Variants in LRMDA observed in about 807,000 individuals in gnomAD.
LRMDA encodes the protein leucine rich melanocyte differentiation associated, also known as leucine-rich melanocyte differentiation-associated protein.
A neutral mutation model predicts 29.8 loss-of-function variants in LRMDA; 18 were observed. The ratio of observed to expected loss-of-function variants is 0.60; its 90% CI spans 0.42 to 0.90. LRMDA has a LOEUF of 0.90. Among genes scored for constraint, LRMDA ranks in the 40% least tolerant of loss-of-function variants. LRMDA has a pLI of 0.00. For synonymous variants in LRMDA, 125 were observed against 109.4 expected (o/e 1.14, Z -0.89); for missense variants, 273 against 273.9 (o/e 1.00, Z 0.02).
intron 2 of LRMDA, among the ~76,000 whole-genome samples, chr10:75,686,390 A>G (rs1842082094): frequency 6.6e-6 from 1 of 152,120 alleles, no homozygotes; most frequent in Admixed American, 6.5e-5. Flanking sequence ...CTTCCCCCAA[A>G]CTAAGAAAGA....
At chr10:75,987,412 C>G (rs1159819764) in intron 2 of LRMDA, among the ~76,000 whole-genome samples, 1 of 152,230 alleles carries the variant, frequency 6.6e-6, no homozygotes, top group Non-Finnish European at 1.5e-5. Context: ...CCAGCAGAAG[C>G]TGCCCCCACC....
intron 2 of LRMDA, among the ~76,000 whole-genome samples, chr10:75,751,125 C>T (rs1420261185): frequency 6.6e-6 from 1 of 152,244 alleles, no homozygotes; most frequent in African/African-American, 2.4e-5. Context: ...ACCAGTCCGG[C>T]CAACACGGTG....
intron 5 of LRMDA, among the ~76,000 whole-genome samples, chr10:76,228,305 C>A (rs1357806993): frequency 6.6e-6 from 1 of 152,248 alleles, no homozygotes; most frequent in East Asian, 1.9e-4. Flanking sequence ...AGCTACCACG[C>A]CCGGCAGGAA....
intron 6 of LRMDA, among the ~76,000 whole-genome samples, chr10:76,338,055 G>A: frequency 6.9e-6 from 1 of 145,120 alleles, no homozygotes; most frequent in East Asian, 2.1e-4. Context: ...TAGAAATGCT[G>A]TTACCCTTCT....
intron 6 of LRMDA, among the ~76,000 whole-genome samples, chr10:76,505,502 T>G (rs547914376): frequency 6.6e-6 from 1 of 152,224 alleles, no homozygotes; most frequent in African/African-American, 2.4e-5. Flanking sequence ...TTTACTCAAA[T>G]AACTGGTCTT....
chr10:75,695,054 A>C (rs1842217322), intron 2 of LRMDA, among the ~76,000 whole-genome samples: 1 of 152,016 alleles, frequency 6.6e-6, no homozygotes, highest in South Asian at 2.1e-4. Flanking sequence ...CATCTGGGAC[A>C]TGAGGAGTGG....
chr10:75,685,238 G>GAA (rs543076170), intron 2 of LRMDA, among the ~76,000 whole-genome samples: 2 of 148,508 alleles, frequency 1.3e-5, no homozygotes, highest in Admixed American at 6.7e-5. Flanking sequence ...CCAGAGGCTT[G>GAA]AAAAAAAAAA....
intron 2 of LRMDA, among the ~76,000 whole-genome samples, chr10:75,582,560 C>T (rs1026024607): frequency 3.3e-5 from 5 of 152,188 alleles, no homozygotes; most frequent in Non-Finnish European, 7.4e-5. Context: ...CGAAACTATT[C>T]TGACCTCCTA....
intron 2 of LRMDA, among the ~76,000 whole-genome samples, chr10:75,468,287 C>T (rs74896132): frequency 0.078 from 11,912 of 151,768 alleles, 612 homozygotes; most frequent in Non-Finnish European, 0.11. Flanking sequence ...TTTTGGGGTG[C>T]GGGGCGGGGT....
At chr10:76,056,028 A>G (rs1848609349) in intron 4 of LRMDA, among the ~76,000 whole-genome samples, 1 of 152,242 alleles carries the variant, frequency 6.6e-6, no homozygotes, top group South Asian at 2.1e-4. Flanking sequence ...TCCCAGATCC[A>G]GGAAGAATGA....
chr10:75,497,618 T>C (rs3012042), intron 2 of LRMDA, among the ~76,000 whole-genome samples: 121,748 of 151,274 alleles, frequency 0.8, 49,636 homozygotes, highest in Non-Finnish European at 0.87. Flanking sequence ...TCCTGCTCCC[T>C]CCCCTCCATA....
At chr10:75,782,667 C>T (rs1843403611) in intron 2 of LRMDA, 3 of 1,065,548 alleles carry the variant, frequency 2.8e-6, no homozygotes, top group South Asian at 3.0e-5. Flanking sequence ...CTAGTCCTCG[C>T]TGCCGGTGCA....
chr10:76,427,985 G>T (rs12256580), intron 6 of LRMDA, among the ~76,000 whole-genome samples: 64,900 of 151,976 alleles, frequency 0.43, 14,761 homozygotes, highest in Middle Eastern at 0.59. Flanking sequence ...GCTTTTTGAT[G>T]TGCTCCTGGA....
intron 2 of LRMDA, among the ~76,000 whole-genome samples, chr10:75,998,523 C>A (rs1303924263): frequency 1.3e-5 from 2 of 152,186 alleles, no homozygotes; most frequent in African/African-American, 2.4e-5. Context: ...AAAATAATAG[C>A]AAGCATGTAT....
At position 75,614,926 on chromosome 10, in the gene LRMDA, G is replaced by A. The variant is rs141474055; in HGVS notation, c.131+176432G>A. On this transcript the variant is annotated intron_variant, in intron 2 of 6. Transcript: ENST00000611255. The stretch of plus-strand genomic sequence containing the variant: ...AAAGAGGAGGCTGGCTTCTCCCTGG[G>A]GAGATGGAGTTAGGTGCTCACCAAG... Among the ~76,000 whole-genome samples, 62 of 152,272 alleles carry A rather than the reference G, an allele frequency of 4.1e-4. 1 individual carries two copies. Among genetic ancestry groups the A allele is most frequent in the African/African-American group, 1.4e-3 (60 of 41,556 alleles).
chr10:76,547,826 C>A (rs544008569), intron 6 of LRMDA, among the ~76,000 whole-genome samples: 1 of 152,072 alleles, frequency 6.6e-6, no homozygotes, highest in Non-Finnish European at 1.5e-5. Flanking sequence ...TGAAGGGATT[C>A]GCATCCCATC....
chr10:75,710,933 C>T (rs778793076), intron 2 of LRMDA, among the ~76,000 whole-genome samples: 1 of 152,260 alleles, frequency 6.6e-6, no homozygotes, highest in Non-Finnish European at 1.5e-5. Context: ...ATGCTTAGTC[C>T]TTCAAAGTCA....
intron 5 of LRMDA, among the ~76,000 whole-genome samples, chr10:76,171,220 C>T (rs753433176): frequency 3.9e-5 from 6 of 152,212 alleles, no homozygotes; most frequent in Non-Finnish European, 8.8e-5. Context: ...GCTGCAACCT[C>T]TGCCTCCTGG....
chr10:75,937,578 G>T (rs1344206819), intron 2 of LRMDA, among the ~76,000 whole-genome samples: 2 of 152,198 alleles, frequency 1.3e-5, no homozygotes, highest in Non-Finnish European at 2.9e-5. Context: ...GTTGCCAAAA[G>T]CTCTCCAATT....
Sources: gnomAD v4.1 joint callset for allele counts (sites outside exome capture counted in the v4.1 genomes callset) on GRCh38, gnomAD v4.1.1 for gene constraint, MANE v1.5 for transcripts, NCBI Gene and HGNC (gene_info 2026-07-23, HGNC 2026-07-21) for gene names.